TNRC6B: variants seen among roughly 807,000 people sequenced by gnomAD.
TNRC6B encodes the protein trinucleotide repeat-containing gene 6B protein.
Under a neutral mutation model 203.6 loss-of-function variants are expected in TNRC6B, and 52 were observed. That is an observed-to-expected ratio of 0.26 (90% CI 0.20 to 0.32). TNRC6B has a LOEUF of 0.32. Among genes scored for constraint, TNRC6B ranks in the 10% least tolerant of loss-of-function variants. The pLI, the probability that TNRC6B is intolerant of heterozygous loss-of-function variation, is 1.00. For missense variants in TNRC6B, 1,923 were observed against 2,286.2 expected, an observed-to-expected ratio of 0.84 and a Z score of 3.24; for synonymous variants, 838 against 845.7, an observed-to-expected ratio of 0.99 and a Z score of 0.16.
At chr22:40,279,391 C>G (rs985016244) in intron 9 of TNRC6B, among the ~76,000 whole-genome samples, 2 of 152,208 alleles carry the variant, frequency 1.3e-5, no homozygotes, top group Non-Finnish European at 2.9e-5. Context: ...GTTATATCAG[C>G]AGACGACAGC....
At chr22:40,130,387 GTGT>G (rs2068530726) in intron 3 of TNRC6B, among the ~76,000 whole-genome samples, 1 of 148,572 alleles carries the variant, frequency 6.7e-6, no homozygotes, top group African/African-American at 2.6e-5. Flanking sequence ...AGTTGGTAGA[GTGT>G]AGAGTACACA....
intron 1 of TNRC6B, among the ~76,000 whole-genome samples, chr22:40,093,188 A>G (rs2068162615): frequency 6.6e-6 from 1 of 152,250 alleles, no homozygotes; most frequent in African/African-American, 2.4e-5. Flanking sequence ...GGCATTTAGT[A>G]GACAAGTCTA....
chr22:40,075,156 ATT>A (rs58240994), intron 1 of TNRC6B, among the ~76,000 whole-genome samples: 770 of 35,522 alleles, frequency 0.022, 17 homozygotes, highest in African/African-American at 0.067. Flanking sequence ...ATATATATAT[ATT>A]TTTTTTTTTT....
intron 1 of TNRC6B, among the ~76,000 whole-genome samples, chr22:40,049,198 C>T (rs2067723489): frequency 6.6e-6 from 1 of 152,026 alleles, no homozygotes; most frequent in Non-Finnish European, 1.5e-5. Context: ...TGGCCGGTCA[C>T]TGTGTTAGCC....
At chr22:40,194,073 G>T (rs539666509) in intron 1 of TNRC6B, among the ~76,000 whole-genome samples, 161 of 152,294 alleles carry the variant, frequency 1.1e-3, no homozygotes, top group Non-Finnish European at 1.4e-3. Context: ...ATAACCAGGG[G>T]GCAAGGTCTT....
At chr22:40,067,152 C>G (rs1041835806) in intron 1 of TNRC6B, among the ~76,000 whole-genome samples, 7 of 152,086 alleles carry the variant, frequency 4.6e-5, no homozygotes, top group Admixed American at 1.3e-4. Context: ...TGATAATCAA[C>G]TAATTAATTT....
chr22:40,053,198 T>C (rs185050383), intron 1 of TNRC6B, among the ~76,000 whole-genome samples: 66 of 152,152 alleles, frequency 4.3e-4, no homozygotes, highest in Middle Eastern at 6.8e-3. Flanking sequence ...GATATTGTTA[T>C]GGATTTTCAG....
intron 1 of TNRC6B, among the ~76,000 whole-genome samples, chr22:40,213,574 A>AGCT (rs2069592859): frequency 6.6e-6 from 1 of 152,206 alleles, no homozygotes; most frequent in Admixed American, 6.5e-5. Flanking sequence ...GCTGCTCTGT[A>AGCT]GAAAATGTAT....
chr22:40,319,889 A>C (rs207478000), intron 21 of TNRC6B, among the ~76,000 whole-genome samples: 1 of 152,188 alleles, frequency 6.6e-6, no homozygotes, highest in African/African-American at 2.4e-5. Context: ...AAAGGGGACT[A>C]CTTTATCTGG....
At chr22:40,153,004 A>AGACAG (rs2068773278) in intron 3 of TNRC6B, among the ~76,000 whole-genome samples, 1 of 152,032 alleles carries the variant, frequency 6.6e-6, no homozygotes, top group African/African-American at 2.4e-5. Flanking sequence ...CGGGAGGCTG[A>AGACAG]GACAGGAGAA....
intron 1 of TNRC6B, among the ~76,000 whole-genome samples, chr22:40,212,850 A>G (rs960374514): frequency 9.9e-5 from 15 of 152,116 alleles, no homozygotes; most frequent in Non-Finnish European, 1.9e-4. Flanking sequence ...GAGTTTCACC[A>G]TGTTGGCCAG....
chr22:40,101,708 G>A (rs530297586), intron 1 of TNRC6B, among the ~76,000 whole-genome samples: 2 of 152,334 alleles, frequency 1.3e-5, no homozygotes, highest in South Asian at 4.1e-4. Context: ...CAAAGGACAG[G>A]AAGCAAAGAG....
intron 1 of TNRC6B, among the ~76,000 whole-genome samples, chr22:40,086,175 A>G (rs188287276): frequency 6.6e-6 from 1 of 152,260 alleles, no homozygotes; most frequent in East Asian, 1.9e-4. Context: ...TTGGCCAGAA[A>G]TAGTCTCTTA....
rs1044883763 is a variant in TNRC6B, at chr22:40,143,424, C to A, written c.46-12691C>A. Among the ~76,000 whole-genome samples, 4 of 152,100 alleles carry A rather than the reference C, an allele frequency of 2.6e-5. No homozygotes were observed. The East Asian group carries it at 7.7e-4, about 29-fold the overall frequency. ...CTCCAGCCTGGGTGACAGAACAAGACCTTGACTCTAAAAAAAATCAAATAA... is the reference window on the plus strand; with the variant it reads ...CTCCAGCCTGGGTGACAGAACAAGAACTTGACTCTAAAAAAAATCAAATAA... On this transcript the variant is annotated intron_variant, in intron 3 of 23. Coordinates refer to the TNRC6B transcript ENST00000301923.
chr22:40,090,401 GTTT>G (rs60280693), intron 1 of TNRC6B, among the ~76,000 whole-genome samples: 7 of 136,770 alleles, frequency 5.1e-5, no homozygotes, highest in African/African-American at 9.0e-5. Flanking sequence ...GCATCTCATT[GTTT>G]TTTTTTTTTT....
intron 1 of TNRC6B, among the ~76,000 whole-genome samples, chr22:40,048,540 C>T (rs1001146448): frequency 1.2e-5 from 1 of 85,334 alleles, no homozygotes; most frequent in Non-Finnish European, 2.5e-5. Context: ...GGCTCCGTCT[C>T]AAAAAAAAAA....
chr22:40,160,955 A>C (rs1018801908), intron 4 of TNRC6B, among the ~76,000 whole-genome samples: 8 of 152,046 alleles, frequency 5.3e-5, no homozygotes, highest in Non-Finnish European at 1.2e-4. Flanking sequence ...TATTTTGTGT[A>C]TCACCTATTT....
At chr22:40,170,366 T>TTA (rs1300591692) in intron 4 of TNRC6B, among the ~76,000 whole-genome samples, 1 of 79,748 alleles carries the variant, frequency 1.3e-5, no homozygotes, top group Non-Finnish European at 2.2e-5. Flanking sequence ...TGTATATAGT[T>TTA]TATATATATA....
At chr22:40,186,872 T>C (rs911018069) in intron 1 of TNRC6B, among the ~76,000 whole-genome samples, 22 of 152,206 alleles carry the variant, frequency 1.4e-4, no homozygotes, top group African/African-American at 4.6e-4. Flanking sequence ...TTACGTTTTT[T>C]TTGTACCAAG....
Sources: gnomAD v4.1 joint callset for allele counts (sites outside exome capture counted in the v4.1 genomes callset) on GRCh38, gnomAD v4.1.1 for gene constraint, MANE v1.5 for transcripts, NCBI Gene and HGNC (gene_info 2026-07-23, HGNC 2026-07-21) for gene names.